WLS: variants seen among roughly 807,000 people sequenced by gnomAD.
WLS encodes Wnt ligand secretion mediator, also known as protein wntless homolog.
WLS carries 23 observed loss-of-function variants against 62.8 expected under a neutral mutation model. The ratio of observed to expected loss-of-function variants is 0.37; its 90% CI spans 0.26 to 0.52. WLS has a LOEUF of 0.52. WLS is among the 20% of genes least tolerant of loss of function. WLS has a pLI of 0.92. For synonymous variants in WLS, 246 were observed against 244.1 expected (o/e 1.01, Z -0.07); for missense variants, 615 against 697.3 (o/e 0.88, Z 1.33).
intron 1 of WLS, among the ~76,000 whole-genome samples, chr1:68,203,138 A>C (rs1649117038): frequency 6.6e-6 from 1 of 152,246 alleles, no homozygotes; most frequent in South Asian, 2.1e-4. Flanking sequence ...AACAACTAGT[A>C]AGTGAATTGC....
At chr1:68,100,086 G>A (rs1399716400) in intron 11 of WLS, among the ~76,000 whole-genome samples, 2 of 152,310 alleles carry the variant, frequency 1.3e-5, no homozygotes, top group Admixed American at 1.3e-4. Flanking sequence ...CTCACTAATA[G>A]ATGTGGAATT....
intron 1 of WLS, among the ~76,000 whole-genome samples, chr1:68,227,923 T>C (rs866606775): frequency 2.1e-4 from 32 of 152,208 alleles, no homozygotes; most frequent in African/African-American, 7.7e-4. Flanking sequence ...ATTCTGCAAC[T>C]TCCAAATAAA....
downstream of WLS, chr1:68,125,209 G>A (rs1646411447): frequency 2.7e-6 from 2 of 728,104 alleles, no homozygotes; most frequent in Non-Finnish European, 3.4e-6. Context: ...AACCACACAG[G>A]ACAGAAAATG....
intron 1 of WLS, among the ~76,000 whole-genome samples, chr1:68,230,901 G>A (rs1418467817): frequency 1.3e-5 from 2 of 152,180 alleles, no homozygotes; most frequent in Non-Finnish European, 2.9e-5. Context: ...GACTGGAGGT[G>A]CCCAAGCCTG....
intron 11 of WLS, among the ~76,000 whole-genome samples, chr1:68,102,106 C>T (rs1003153478): frequency 1.3e-5 from 2 of 152,146 alleles, no homozygotes; most frequent in African/African-American, 4.8e-5. Context: ...GGAGTGTCTA[C>T]CATGGGCCAG....
At chr1:68,112,972 C>A (rs938459374) in intron 11 of WLS, among the ~76,000 whole-genome samples, 1 of 152,206 alleles carries the variant, frequency 6.6e-6, no homozygotes, top group Non-Finnish European at 1.5e-5. Context: ...GAGGCCAAAT[C>A]CATGAACCTC....
chr1:68,193,248 CAAA>C (rs980958771), intron 2 of WLS, among the ~76,000 whole-genome samples: 1 of 150,904 alleles, frequency 6.6e-6, no homozygotes, highest in Non-Finnish European at 1.5e-5. Flanking sequence ...AAGGAAAAAA[CAAA>C]AAGTTTTCTT....
chr1:68,123,412 C>T (rs536985789), downstream of WLS, among the ~76,000 whole-genome samples: 31 of 151,892 alleles, frequency 2.0e-4, no homozygotes, highest in South Asian at 6.1e-3. Flanking sequence ...TAGAATATGG[C>T]CATGTCTGGC....
chr1:68,118,736 G>A (rs540926627), intron 11 of WLS, among the ~76,000 whole-genome samples: 5 of 151,904 alleles, frequency 3.3e-5, no homozygotes, highest in South Asian at 4.2e-4. Context: ...TTAGCTGGGC[G>A]TGGTGGCAGA....
intron 2 of WLS, among the ~76,000 whole-genome samples, chr1:68,187,074 T>C (rs555429816): frequency 8.0e-4 from 119 of 149,202 alleles, no homozygotes; most frequent in African/African-American, 2.7e-3. Context: ...TAGCCGGGCG[T>C]GGTGGCAGGC....
intron 1 of WLS, among the ~76,000 whole-genome samples, chr1:68,228,901 T>G (rs867115607): frequency 3.4e-5 from 5 of 147,764 alleles, no homozygotes; most frequent in African/African-American, 9.9e-5. Context: ...TTTTTTGTTT[T>G]TTTTTTTTTT....
At chr1:68,142,947 A>G (rs931681440) in intron 10 of WLS, 7 of 152,290 alleles carry the variant, frequency 4.6e-5, no homozygotes, top group Admixed American at 2.6e-4. Flanking sequence ...AAAAATCCCT[A>G]TAGTGTTAGT....
At chr1:68,136,499 C>A (rs1324759791) in intron 11 of WLS, among the ~76,000 whole-genome samples, 4 of 152,134 alleles carry the variant, frequency 2.6e-5, no homozygotes, top group Non-Finnish European at 5.9e-5. Flanking sequence ...TCTAATAATT[C>A]TGGAAAATGC....
intron 1 of WLS, among the ~76,000 whole-genome samples, chr1:68,216,686 C>T (rs1472514485): frequency 1.3e-5 from 2 of 152,124 alleles, no homozygotes; most frequent in African/African-American, 4.8e-5. Context: ...ATCCAAAAAG[C>T]AGACAGGCAC....
chr1:68,129,766 G>T (rs1289767461), intron 11 of WLS, among the ~76,000 whole-genome samples: 7 of 152,084 alleles, frequency 4.6e-5, no homozygotes, highest in African/African-American at 1.7e-4. Context: ...CCCTCTCTTG[G>T]CTCCTGCTGT....
chr1:68,171,093 C>A (rs748351080), intron 2 of WLS, among the ~76,000 whole-genome samples: 1 of 139,276 alleles, frequency 7.2e-6, no homozygotes, highest in East Asian at 2.2e-4. Flanking sequence ...TGCACACACA[C>A]CCCTGAAATC....
At position 68,185,637 on chromosome 1, in the gene WLS, G is replaced by A. The variant is rs184365343; in HGVS notation, c.379+8318C>T. 2.0e-4 allele frequency among the ~76,000 whole-genome samples: 31 copies of A among 152,218 alleles called. No individual in the cohort carries two copies. The South Asian group carries it at 2.9e-3, about 14-fold the overall frequency. The stretch of plus-strand genomic sequence containing the variant: ...AATCTAATGCCTGATGATCTGAAGC[G>A]GAACCATTTCATACCCAAACCATCC... On this transcript the variant is annotated intron_variant, in intron 2 of 11. Transcript: ENST00000262348.
intron 5 of WLS, among the ~76,000 whole-genome samples, chr1:68,152,150 T>C (rs929468449): frequency 9.2e-5 from 14 of 152,076 alleles, no homozygotes; most frequent in African/African-American, 3.1e-4. Flanking sequence ...TGGGAGGGAA[T>C]AGGTTGGAAA....
chr1:68,199,494 A>ACCCAGC (rs1357202172), intron 1 of WLS, among the ~76,000 whole-genome samples: 1 of 152,142 alleles, frequency 6.6e-6, no homozygotes, highest in Non-Finnish European at 1.5e-5. Context: ...GTAGAGATAG[A>ACCCAGC]ACATGTGCTG....
Sources: gnomAD v4.1 joint callset for allele counts (sites outside exome capture counted in the v4.1 genomes callset) on GRCh38, gnomAD v4.1.1 for gene constraint, MANE v1.5 for transcripts, NCBI Gene and HGNC (gene_info 2026-07-23, HGNC 2026-07-21) for gene names.